The following ZNF407 variants were observed in gnomAD, a reference collection of about 807,000 sequenced individuals.
ZNF407 encodes zinc finger protein 407.
A neutral mutation model predicts 131.2 loss-of-function variants in ZNF407; 17 were observed. The observed-to-expected ratio is 0.13, with a 90% confidence interval of 0.09 to 0.19. The LOEUF is 0.19. ZNF407 is among the 10% of genes least tolerant of loss of function. ZNF407 has a pLI of 1.00. For synonymous variants in ZNF407, 1,156 were observed against 1,062.0 expected, an observed-to-expected ratio of 1.09 and a Z score of -1.72; for missense variants, 2,681 against 2,830.6, an observed-to-expected ratio of 0.95 and a Z score of 1.20.
At chr18:74,825,609 CA>C (rs1367109435) in intron 4 of ZNF407, among the ~76,000 whole-genome samples, 2 of 152,084 alleles carry the variant, frequency 1.3e-5, no homozygotes, top group African/African-American at 2.4e-5. Context: ...ATTAGGTGGT[CA>C]AAAATGTATG....
At chr18:74,820,803 A>C (rs1367414909) in intron 4 of ZNF407, among the ~76,000 whole-genome samples, 3 of 152,034 alleles carry the variant, frequency 2.0e-5, no homozygotes, top group African/African-American at 7.2e-5. Flanking sequence ...TCTATGATGG[A>C]AGATGTCACG....
chr18:74,920,961 A>G, intron 8 of ZNF407: 2 of 1,130,162 alleles, frequency 1.8e-6, no homozygotes, highest in Non-Finnish European at 2.2e-6. Flanking sequence ...TATTTAAAGC[A>G]TAGTTGACCT....
chr18:74,697,281 G>C (rs1319057916), intron 3 of ZNF407, among the ~76,000 whole-genome samples: 1 of 152,126 alleles, frequency 6.6e-6, no homozygotes, highest in Non-Finnish European at 1.5e-5. Flanking sequence ...CCTATGAGGA[G>C]AATATATATC....
intron 4 of ZNF407, among the ~76,000 whole-genome samples, chr18:74,830,638 GATGTA>G (rs1364559120): frequency 7.9e-5 from 12 of 152,136 alleles, no homozygotes; most frequent in African/African-American, 2.7e-4. Flanking sequence ...GTGATGTTTT[GATGTA>G]ATGTATGGCG....
chr18:74,902,085 C>G (rs1971533300), intron 7 of ZNF407, among the ~76,000 whole-genome samples: 1 of 152,178 alleles, frequency 6.6e-6, no homozygotes, highest in Admixed American at 6.5e-5. Flanking sequence ...GGTGATAAGG[C>G]AGAGTAATTG....
intron 1 of ZNF407, among the ~76,000 whole-genome samples, chr18:74,601,787 C>T (rs1165578112): frequency 6.6e-6 from 1 of 152,184 alleles, no homozygotes; most frequent in Admixed American, 6.5e-5. Flanking sequence ...GCCCACCAGG[C>T]CCTACCTCCA....
chr18:74,684,743 C>T (rs1383567476), intron 3 of ZNF407, among the ~76,000 whole-genome samples: 1 of 152,078 alleles, frequency 6.6e-6, no homozygotes, highest in Non-Finnish European at 1.5e-5. Context: ...AAGGTTGCCT[C>T]TTTGTTTAAT....
intron 3 of ZNF407, among the ~76,000 whole-genome samples, chr18:74,745,812 C>A (rs889234295): frequency 6.6e-6 from 1 of 152,116 alleles, no homozygotes; most frequent in Non-Finnish European, 1.5e-5. Context: ...TCTGTTGTAG[C>A]GTCTAACTCC....
chr18:74,750,648 A>G (rs1340506962), intron 3 of ZNF407, among the ~76,000 whole-genome samples: 29 of 152,110 alleles, frequency 1.9e-4, no homozygotes, highest in Non-Finnish European at 2.9e-5. Flanking sequence ...TTCACTTTTT[A>G]GATATTATGA....
chr18:74,995,102 C>T (rs1202416192), intron 8 of ZNF407, among the ~76,000 whole-genome samples: 1 of 152,182 alleles, frequency 6.6e-6, no homozygotes, highest in Non-Finnish European at 1.5e-5. Flanking sequence ...GACTCACATC[C>T]TGAATATGTT....
chr18:74,811,840 C>G (rs1325411139), intron 4 of ZNF407, among the ~76,000 whole-genome samples: 1 of 146,524 alleles, frequency 6.8e-6, no homozygotes, highest in Non-Finnish European at 1.5e-5. Context: ...CACATGGACA[C>G]AGGAAGGGGA....
intron 3 of ZNF407, among the ~76,000 whole-genome samples, chr18:74,676,614 T>G (rs1327763983): frequency 6.6e-6 from 1 of 151,898 alleles, no homozygotes; most frequent in African/African-American, 2.4e-5. Flanking sequence ...TTTTGTATTT[T>G]TAGTAGAGAC....
rs1982437636 is a variant in ZNF407, at chr18:74,598,795, G to A, written c.-54+858G>A. Among the ~76,000 whole-genome samples the A allele has an allele frequency of 2.0e-5, 3 of 152,250 alleles. No homozygotes were observed. In the South Asian group the frequency reaches 6.2e-4, roughly 32 times the overall value. ...CCAGCTAGCACGCCCTGGGTGCTTG[G>A]CCTCCTTCTGGAGTTTAAGCTGGTG... On this transcript the variant is annotated intron_variant, in intron 1 of 8. Coordinates refer to ENST00000299687, the MANE Select transcript of ZNF407 (RefSeq NM_017757.3).
Position 74,633,853 on chromosome 18 carries a change from A to G in ZNF407, c.2834A>G (p.His945Arg). Reference sequence around the variant, plus strand: ...TCAGCAGTGACCATGTCAGATGAACATGCTAACAAACCAGCTGAGTCACCC... The same window carrying G: ...TCAGCAGTGACCATGTCAGATGAACGTGCTAACAAACCAGCTGAGTCACCC... ...AGSAVTMSDE[H>R]ANKPAESPTS... is the part of the protein sequence containing the mutation. Residue 945 changes from histidine (H) to arginine (R), a missense_variant, in exon 2 of 9, where the codon CAT (histidine) becomes CGT (arginine). His to Arg is a conservative substitution (Grantham distance 29, BLOSUM62 0). Around this residue, in one of 6 missense-constraint regions of ZNF407, gnomAD observed 1,789 missense variants for 1,748.7 expected, o/e 1.02. Transcript: ENST00000299687. 1 of 1,614,046 alleles carries G rather than the reference A, an allele frequency of 6.2e-7. No homozygotes were observed.
intron 3 of ZNF407, among the ~76,000 whole-genome samples, chr18:74,657,408 T>A (rs1599046245): frequency 6.6e-6 from 1 of 152,194 alleles, no homozygotes; most frequent in African/African-American, 2.4e-5. Context: ...TTTGTGTCAT[T>A]TTCTGTTTGT....
At chr18:74,936,823 G>A (rs1972045389) in intron 8 of ZNF407, among the ~76,000 whole-genome samples, 1 of 152,272 alleles carries the variant, frequency 6.6e-6, no homozygotes, top group East Asian at 1.9e-4. Context: ...TTAATGAAAA[G>A]CATTTTTATC....
At chr18:74,602,723 C>A (rs1464428878) in intron 1 of ZNF407, among the ~76,000 whole-genome samples, 1 of 152,172 alleles carries the variant, frequency 6.6e-6, no homozygotes, top group Non-Finnish European at 1.5e-5. Flanking sequence ...GACTTCCGAA[C>A]CCCTATTTTT....
intron 1 of ZNF407, among the ~76,000 whole-genome samples, chr18:74,615,453 C>T (rs921351879): frequency 2.6e-5 from 4 of 152,158 alleles, no homozygotes; most frequent in Non-Finnish European, 2.9e-5. Context: ...TGCAGTGAGC[C>T]AAGATCATGC....
intron 4 of ZNF407, among the ~76,000 whole-genome samples, chr18:74,801,340 TTTCA>T (rs912376216): frequency 1.4e-4 from 21 of 152,216 alleles, no homozygotes; most frequent in Non-Finnish European, 2.5e-4. Context: ...TATATTTTTC[TTTCA>T]TTATCAGTGT....
Sources: allele counts gnomAD v4.1 joint callset (sites outside exome capture counted in the v4.1 genomes callset), GRCh38; gene constraint gnomAD v4.1.1; regional missense constraint gnomAD v4.1.1; transcripts MANE v1.5; gene names NCBI Gene and HGNC (gene_info 2026-07-23, HGNC 2026-07-21).